The following ANKRD11 variants were observed in gnomAD, a reference collection of about 807,000 sequenced individuals.
The protein encoded by ANKRD11 is ankyrin repeat domain 11.
Under a neutral mutation model 195.7 loss-of-function variants are expected in ANKRD11, and 17 were observed. The ratio of observed to expected loss-of-function variants is 0.09; its 90% CI spans 0.06 to 0.13. The LOEUF (loss-of-function observed/expected upper bound fraction) is 0.13. Among genes scored for constraint, ANKRD11 ranks in the 10% least tolerant of loss-of-function variants. The pLI is 1.00. For missense variants in ANKRD11, 3,735 were observed against 3,566.1 expected (o/e 1.05, Z -1.21); for synonymous variants, 1,953 against 1,528.1 (o/e 1.28, Z -6.49).
At chr16:89,431,466 G>C (rs2042975368) in intron 1 of ANKRD11, 2 of 152,884 alleles carry the variant, frequency 1.3e-5, no homozygotes, top group Admixed American at 1.3e-4. Context: ...GCCCTTAACA[G>C]ATGCCACCTC....
At chr16:89,440,721 C>A (rs2043414660) in intron 1 of ANKRD11, among the ~76,000 whole-genome samples, 1 of 152,200 alleles carries the variant, frequency 6.6e-6, no homozygotes, top group African/African-American at 2.4e-5. Context: ...GTGGGCAGAG[C>A]CCTGGAGAAG....
At chr16:89,315,150 C>T (rs1385357579) in intron 3 of ANKRD11, among the ~76,000 whole-genome samples, 2 of 152,192 alleles carry the variant, frequency 1.3e-5, no homozygotes, top group African/African-American at 4.8e-5. Flanking sequence ...GGAGCCAATG[C>T]TCAGTGGAGG....
rs1041472189 is a variant in ANKRD11 at position 89,291,789 on chromosome 16, A to G, written c.227-606T>C. 9.3e-6 allele frequency: 12 copies of G among 1,289,182 alleles called. No individual in the cohort carries two copies. The highest frequency in any genetic ancestry group is 1.2e-5 in the Non-Finnish European group (12 of 988,400). 79.9% of individuals were successfully genotyped at this position (1,289,182 alleles called of 1,614,324 possible). On this transcript the variant is annotated intron_variant, in intron 4 of 12. Coordinates refer to ENST00000301030, the MANE Select transcript of ANKRD11 (RefSeq NM_013275.6). This position sits in a 1 kb window ranked among gnomAD's most constrained non-coding sequence, Gnocchi z 5.3. Reference sequence around the variant, plus strand: ...TGGGCTGGAGGCATCTGAAGGCATCAACACAGAGCACTAACAAGACACGGT... The same window carrying G: ...TGGGCTGGAGGCATCTGAAGGCATCGACACAGAGCACTAACAAGACACGGT...
intron 11 of ANKRD11, among the ~76,000 whole-genome samples, chr16:89,274,312 C>A (rs1478780876): frequency 1.3e-5 from 2 of 152,206 alleles, no homozygotes; most frequent in African/African-American, 4.8e-5. Context: ...GAGTCCGGCC[C>A]GCCCTGGCCC....
chr16:89,330,410 C>T (rs900304743), intron 2 of ANKRD11, among the ~76,000 whole-genome samples: 4 of 151,990 alleles, frequency 2.6e-5, no homozygotes, highest in African/African-American at 4.8e-5. Flanking sequence ...GCTCGCACAC[C>T]GGGAGGGCTG....
At chr16:89,460,670 G>C (rs969914831) in intron 1 of ANKRD11, among the ~76,000 whole-genome samples, 1 of 152,152 alleles carries the variant, frequency 6.6e-6, no homozygotes, top group Non-Finnish European at 1.5e-5. Flanking sequence ...CCAGGAGGTC[G>C]AGGCTATAGT....
chr16:89,434,182 C>A (rs2152277025), intron 1 of ANKRD11, among the ~76,000 whole-genome samples: 1 of 152,242 alleles, frequency 6.6e-6, no homozygotes, highest in East Asian at 1.9e-4. Context: ...TGCCACTCAC[C>A]CATGGTGCAC....
rs144364610 is a variant in ANKRD11, at chr16:89,305,260, G to A, written c.172C>T (p.Arg58Trp). The A allele has an allele frequency of 4.3e-6, 7 of 1,613,906 alleles. No homozygotes were observed. The highest frequency in any genetic ancestry group is 2.2e-5 in the East Asian group (1 of 44,884). The change falls in exon 4 of 13, where the codon CGG becomes TGG. Residue 58 changes from arginine (R) to tryptophan (W), a missense_variant. Coordinates refer to ENST00000301030, the MANE Select transcript of ANKRD11 (RefSeq NM_013275.6). ...GCGCCCGCGGTGAAGGGCAGCTTCC[G>A]CTTGCTGGCTCGCTCCCTCACCTCC... is the stretch of plus-strand genomic sequence containing the variant. Reference protein sequence around the residue: ...GKEVRERASKRKLPFTAGANG... With the variant: ...GKEVRERASKWKLPFTAGANG...
At chr16:89,276,364 AAC>A (rs2033651217) in intron 9 of ANKRD11, among the ~76,000 whole-genome samples, 1 of 152,188 alleles carries the variant, frequency 6.6e-6, no homozygotes, top group African/African-American at 2.4e-5. Flanking sequence ...GGCTGAGAGA[AAC>A]AGCCTCACGC....
chr16:89,342,407 C>T (rs901623701), intron 2 of ANKRD11, among the ~76,000 whole-genome samples: 1 of 152,312 alleles, frequency 6.6e-6, no homozygotes, highest in African/African-American at 2.4e-5. Flanking sequence ...AGACAGCATT[C>T]GGTCCAGGAT....
intron 2 of ANKRD11, among the ~76,000 whole-genome samples, chr16:89,330,720 C>T (rs1316553520): frequency 2.1e-5 from 3 of 141,082 alleles, no homozygotes; most frequent in East Asian, 2.2e-4. Flanking sequence ...GGAAGTCCCA[C>T]GGCTTCACTT....
chr16:89,300,286 G>A, intron 4 of ANKRD11: 1 of 220,230 alleles, frequency 4.5e-6, no homozygotes, highest in Non-Finnish European at 9.3e-6. Flanking sequence ...GTGAGAAACT[G>A]CATCAGGGCT....
intron 1 of ANKRD11, among the ~76,000 whole-genome samples, chr16:89,458,286 G>A (rs1055039404): frequency 3.3e-5 from 5 of 151,386 alleles, no homozygotes; most frequent in South Asian, 2.1e-4. Context: ...GTGCAGTGGC[G>A]CGATCTCCGC....
intron 2 of ANKRD11, among the ~76,000 whole-genome samples, chr16:89,408,621 C>T (rs1243253925): frequency 6.6e-6 from 1 of 152,168 alleles, no homozygotes; most frequent in African/African-American, 2.4e-5. Context: ...TGAAAGACGT[C>T]CCAGCCGTGC....
At chr16:89,338,428 A>T (rs1461506518) in intron 2 of ANKRD11, among the ~76,000 whole-genome samples, 12 of 149,818 alleles carry the variant, frequency 8.0e-5, no homozygotes. Flanking sequence ...CTCTGTTAAA[A>T]AAAAAAAAAA....
At chr16:89,479,140 AC>A (rs2057354789) in intron 1 of ANKRD11, among the ~76,000 whole-genome samples, 1 of 151,690 alleles carries the variant, frequency 6.6e-6, no homozygotes, top group African/African-American at 2.4e-5. Context: ...GCCACCACCT[AC>A]CCCACAACCC....
intron 12 of ANKRD11, chr16:89,270,437 C>T: frequency 2.8e-6 from 1 of 361,842 alleles, no homozygotes; most frequent in Non-Finnish European, 5.4e-6. Context: ...GCTGCCCTTC[C>T]CGGCACCTCC....
chr16:89,379,162 C>T (rs912522488), intron 2 of ANKRD11, among the ~76,000 whole-genome samples: 1 of 152,230 alleles, frequency 6.6e-6, no homozygotes, highest in African/African-American at 2.4e-5. Context: ...ATGCCTGCCC[C>T]GGCACACGGC....
At chr16:89,332,694 C>A (rs1041185242) in intron 2 of ANKRD11, among the ~76,000 whole-genome samples, 3 of 152,194 alleles carry the variant, frequency 2.0e-5, no homozygotes, top group African/African-American at 4.8e-5. Flanking sequence ...CCAGGCAGGG[C>A]TCTCCTCCGG....
Sources: gnomAD v4.1 joint callset for allele counts (sites outside exome capture counted in the v4.1 genomes callset) on GRCh38, gnomAD v4.1.1 for gene constraint, Gnocchi (gnomAD v3.1) non-coding constraint, MANE v1.5 for transcripts, NCBI Gene and HGNC (gene_info 2026-07-23, HGNC 2026-07-21) for gene names.